Variants in COL27A1 observed in about 807,000 individuals in gnomAD.
COL27A1 encodes collagen alpha-1(XXVII) chain.
A neutral mutation model predicts 251.3 loss-of-function variants in COL27A1; 106 were observed. The ratio of observed to expected loss-of-function variants is 0.42; its 90% confidence interval spans 0.36 to 0.50. The LOEUF (loss-of-function observed/expected upper bound fraction) is 0.50, where lower values mean the gene tolerates loss of function less well. COL27A1 is among the 20% of genes least tolerant of loss of function. The pLI, the probability that COL27A1 is intolerant of heterozygous loss-of-function variation, is 0.00. For synonymous variants in COL27A1, 1,000 were observed against 986.3 expected (o/e 1.01, Z -0.26); for missense variants, 2,325 against 2,522.8 (o/e 0.92, Z 1.68).
chr9:114,306,864 G>A (rs937579813), intron 58 of COL27A1, among the ~76,000 whole-genome samples, 176 bp downstream of exon 58: 4 of 152,214 alleles, frequency 2.6e-5, no homozygotes, highest in Non-Finnish European at 5.9e-5. Context: ...AGATCCGCAT[G>A]CTGGGGATGA....
rs1191276671 is a variant in COL27A1, at chr9:114,206,280, GC to G, written c.2256del (p.Gly754AlafsTer72). On this transcript the variant is annotated frameshift_variant, in exon 10 of 61. Coordinates refer to ENST00000356083, the MANE Select transcript of COL27A1 (RefSeq NM_032888.4). LOFTEE classifies it high-confidence loss of function. ...TTACCTGGACCGGTAGGAGATCCCG[GC>G]CCCAAAGGCAGCAGGGTAAGTGGTT... is the stretch of plus-strand genomic sequence containing the variant. ...QGLPGPVGDPGPKGSRGYIGL... is the reference protein window; with the variant it reads ...QGLPGPVGDPXPKGSRGYIGL... The G allele has an allele frequency of 6.2e-7, 1 of 1,614,152 alleles. No individual in the cohort carries two copies. Among genetic ancestry groups the G allele is most frequent in the Non-Finnish European group, 8.5e-7 (1 of 1,180,006 alleles).
intron 14 of COL27A1, among the ~76,000 whole-genome samples, chr9:114,225,760 T>C (rs1831428782): frequency 6.6e-6 from 1 of 152,216 alleles, no homozygotes; most frequent in South Asian, 2.1e-4. Context: ...GTCTAGTCAG[T>C]TGAAGCAATT....
At chr9:114,204,963 A>C (rs1157813502) in intron 7 of COL27A1, 139 bp from the exon 8 acceptor site, 8 of 679,748 alleles carry the variant, frequency 1.2e-5, no homozygotes, top group Non-Finnish European at 1.8e-5. Flanking sequence ...CCATCTGGGG[A>C]ACCTTTACTG....
intron 14 of COL27A1, among the ~76,000 whole-genome samples, chr9:114,224,608 T>C (rs1470931734): frequency 2.0e-5 from 3 of 151,914 alleles, no homozygotes; most frequent in Admixed American, 6.6e-5. Flanking sequence ...TAAACACAGA[T>C]TGTGGGGTTT....
At position 114,162,794 on chromosome 9, in the gene COL27A1, C is replaced by G. The variant is rs147411821; in HGVS notation, c.133+9C>G. 84 of 1,605,806 alleles carry G rather than the reference C, an allele frequency of 5.2e-5. No individual in the cohort carries two copies. In the African/African-American group the frequency reaches 8.6e-4, roughly 16 times the overall value. On this transcript the variant is annotated intron_variant, in intron 2 of 60. Transcript: ENST00000356083. ...CCAAGGAGCTCCTGAAGGTAATTCT[C>G]TCTTCTCTTTGTCCAGGGGGAGACA...
chr9:114,169,584 G>A (rs1370995340), intron 3 of COL27A1, 121 bp downstream of exon 3: 2 of 753,628 alleles, frequency 2.7e-6, no homozygotes, highest in Non-Finnish European at 4.1e-6. Context: ...AGCTGGTTAT[G>A]GGTACATCCT....
intron 27 of COL27A1, among the ~76,000 whole-genome samples, chr9:114,256,844 C>G (rs961089055): frequency 6.6e-6 from 1 of 152,226 alleles, no homozygotes; most frequent in African/African-American, 2.4e-5. Context: ...CTTTTCAGCA[C>G]TCTATGCCTT....
chr9:114,165,268 C>T (rs1848750545), intron 2 of COL27A1, among the ~76,000 whole-genome samples: 1 of 152,148 alleles, frequency 6.6e-6, no homozygotes, highest in Non-Finnish European at 1.5e-5. Flanking sequence ...TCAATTTCCC[C>T]CAGGGAACTG....
rs1828606990 is a variant in COL27A1 at position 114,301,285 on chromosome 9, G to C, written c.4757G>C (p.Gly1586Ala). 1 of 1,612,986 alleles carries C rather than the reference G, an allele frequency of 6.2e-7. No individual in the cohort carries two copies. Among genetic ancestry groups the C allele is most frequent in the East Asian group, 2.2e-5 (1 of 44,854 alleles). Residue 1586 changes from glycine to alanine, a missense_variant and splice_region_variant, in exon 53 of 61, where the codon GGT (glycine) becomes GCT (alanine). Physicochemically the swap from Gly to Ala is moderately conservative, Grantham distance 60. Coordinates refer to ENST00000356083, the MANE Select transcript of COL27A1 (RefSeq NM_032888.4). ...LGILGPSGLP[G>A]PKGDKGSRGD... ...TCACTGGGCCGTGGTTTGTTGCAGG[G>C]TCCGAAGGGTGACAAAGGCAGCCGT...
intron 28 of COL27A1, among the ~76,000 whole-genome samples, chr9:114,262,938 ATT>A (rs386415960): frequency 1.6e-5 from 2 of 127,068 alleles, no homozygotes; most frequent in African/African-American, 3.0e-5. Flanking sequence ...TCCTTGTTTG[ATT>A]TTTTTTTTTT....
In COL27A1 at chr9:114,155,731, G is replaced by A. The variant is rs1285989725; in HGVS notation, c.-220G>A. ...AAAGGACCGAGGCAGGGGCGAGCGC[G>A]GCGCCCGGACTCCTGGGACCATGGG... is the stretch of plus-strand genomic sequence containing the variant. On this transcript the variant is annotated 5_prime_UTR_variant, in exon 1 of 61. Coordinates refer to ENST00000356083, the MANE Select transcript of COL27A1 (RefSeq NM_032888.4). The surrounding 1 kb of genome is among the most constrained non-coding windows in gnomAD (Gnocchi z 5.5). The A allele has an allele frequency of 6.5e-6, 1 of 153,044 alleles. No homozygotes were observed. The highest frequency in any genetic ancestry group is 1.9e-4 in the East Asian group (1 of 5,136). 9.5% of individuals were successfully genotyped at this position (153,044 alleles called of 1,614,324 possible). A position where few individuals can be genotyped will look rare whatever the true frequency, so the allele number is the denominator to read the frequency against.
Position 114,170,553 on chromosome 9 carries a change from C to A in COL27A1, c.1908+1090C>A, listed in dbSNP as rs142380027. Among the ~76,000 whole-genome samples the A allele has an allele frequency of 6.5e-3, 990 of 152,276 alleles. 7 individuals are homozygous for A. The highest frequency in any genetic ancestry group is 0.024 in the South Asian group (117 of 4,820). On this transcript the variant is annotated intron_variant, in intron 3 of 60. Coordinates refer to ENST00000356083, the MANE Select transcript of COL27A1 (RefSeq NM_032888.4). ...GAGACAGTGGCAGATGCTGGGAATT[C>A]CCAGGCCTTCCAAACACACTTAATG...
At chr9:114,301,484 G>T (rs1336207625) in intron 54 of COL27A1, 22 bp downstream of exon 54, 5 of 1,603,892 alleles carry the variant, frequency 3.1e-6, no homozygotes, top group Non-Finnish European at 4.2e-6. Context: ...GGGCATGAGG[G>T]CTGTGGGGCG....
At chr9:114,210,864 C>A in intron 11 of COL27A1, 118 bp from the exon 12 acceptor site, 1 of 987,544 alleles carries the variant, frequency 1.0e-6, no homozygotes. Context: ...ACGCAAGTGG[C>A]ACACATTCCA....
rs1216121292 is a variant in COL27A1, at chr9:114,290,549, C to T, written c.4368+218C>T. On this transcript the variant is annotated intron_variant, in intron 47 of 60. Coordinates refer to ENST00000356083, the MANE Select transcript of COL27A1 (RefSeq NM_032888.4). This position sits in a 1 kb window ranked among gnomAD's most constrained non-coding sequence, Gnocchi z 4.6. ...CCTGGATGCCAGCACCCAGAAAGAC[C>T]TTCCTTTCCTCCCCTGCCTGGTGGA... Among the ~76,000 whole-genome samples, 1 of 152,144 alleles carries T rather than the reference C, an allele frequency of 6.6e-6. No individual in the cohort carries two copies. Among genetic ancestry groups the T allele is most frequent in the Non-Finnish European group, 1.5e-5 (1 of 68,018 alleles).
chr9:114,174,000 C>T (rs1849515059), intron 3 of COL27A1, among the ~76,000 whole-genome samples: 1 of 149,452 alleles, frequency 6.7e-6, no homozygotes, highest in South Asian at 2.1e-4. Flanking sequence ...TTTTTTGAGA[C>T]AGAGTCTTGC....
intron 45 of COL27A1, 119 bp downstream of exon 45, chr9:114,289,414 C>A (rs368416955): frequency 1.0e-6 from 1 of 977,814 alleles, no homozygotes; most frequent in Non-Finnish European, 1.5e-6. Context: ...TAGGGAGGGG[C>A]GGCCCACCAG....
At chr9:114,264,305 C>T (rs370379273) in intron 28 of COL27A1, 50 bp from the exon 29 acceptor site, 17 of 1,461,786 alleles carry the variant, frequency 1.2e-5, no homozygotes, top group South Asian at 8.1e-5. Flanking sequence ...GTTCTCCGCC[C>T]GAGGGAGACC....
chr9:114,301,753 TG>T, intron 55 of COL27A1, 36 bp downstream of exon 55: 3 of 1,600,344 alleles, frequency 1.9e-6, no homozygotes, highest in Non-Finnish European at 2.6e-6. Flanking sequence ...CTTGGACTCC[TG>T]GGGGGTTCCT....
Sources: allele counts gnomAD v4.1 joint callset (sites outside exome capture counted in the v4.1 genomes callset), GRCh38; gene constraint gnomAD v4.1.1; non-coding constraint Gnocchi (gnomAD v3.1); transcripts MANE v1.5; gene names NCBI Gene and HGNC (gene_info 2026-07-23, HGNC 2026-07-21).